The following UNC13C variants were observed in gnomAD, a reference collection of about 807,000 sequenced individuals.
UNC13C encodes unc-13 homolog C.
In UNC13C, 174 loss-of-function variants were observed where a neutral mutation model predicts 245.4. That is an observed-to-expected ratio of 0.71 (90% confidence interval 0.63 to 0.80). UNC13C has a LOEUF of 0.80. UNC13C is among the 30% of genes least tolerant of loss of function. The pLI is 0.00. For synonymous variants in UNC13C, 992 were observed against 895.1 expected (o/e 1.11, Z -1.93); for missense variants, 2,829 against 2,602.9 (o/e 1.09, Z -1.89).
At chr15:53,953,063 G>A in the UNC13C span, among the ~76,000 whole-genome samples, 1 of 152,166 alleles carries the variant, frequency 6.6e-6, no homozygotes, top group Non-Finnish European at 1.5e-5. Context: ...AATTGAATTA[G>A]CACCTCACAA....
intron 14 of UNC13C, among the ~76,000 whole-genome samples, chr15:54,329,608 A>C (rs993164892): frequency 6.6e-6 from 1 of 152,046 alleles, no homozygotes; most frequent in African/African-American, 2.4e-5. Context: ...TGCAAAGGGA[A>C]TCTCACTCTA....
intron 14 of UNC13C, among the ~76,000 whole-genome samples, chr15:54,324,868 A>T (rs759522657): frequency 4.6e-5 from 7 of 152,074 alleles, no homozygotes; most frequent in Non-Finnish European, 1.0e-4. Flanking sequence ...AAGCTTGTCC[A>T]ACCCACAGCC....
At chr15:54,051,028 T>G (rs1897248247) in intron 2 of UNC13C, among the ~76,000 whole-genome samples, 1 of 152,216 alleles carries the variant, frequency 6.6e-6, no homozygotes, top group Non-Finnish European at 1.5e-5. Flanking sequence ...TGACTATTAG[T>G]CTTTTAACTA....
chr15:54,142,090 C>A (rs2032049298), intron 2 of UNC13C, among the ~76,000 whole-genome samples: 1 of 152,094 alleles, frequency 6.6e-6, no homozygotes, highest in African/African-American at 2.4e-5. Context: ...TGCTAATAAG[C>A]AAAGATGAAT....
At chr15:54,556,348 G>T (rs1430607026) in intron 29 of UNC13C, among the ~76,000 whole-genome samples, 1 of 152,006 alleles carries the variant, frequency 6.6e-6, no homozygotes, top group East Asian at 1.9e-4. Context: ...AGAAACAATG[G>T]TATTCATTTC....
intron 30 of UNC13C, among the ~76,000 whole-genome samples, chr15:54,573,159 T>G (rs776377180): frequency 1.4e-4 from 22 of 152,260 alleles, no homozygotes; most frequent in Non-Finnish European, 2.5e-4. Flanking sequence ...AGTATGGAAA[T>G]GCCTCTTGTA....
intron 19 of UNC13C, among the ~76,000 whole-genome samples, chr15:54,471,213 T>C (rs1489909100): frequency 6.6e-6 from 1 of 151,482 alleles, no homozygotes; most frequent in Non-Finnish European, 1.5e-5. Context: ...ATATGTGTGT[T>C]ATGTCTGTTA....
intron 19 of UNC13C, among the ~76,000 whole-genome samples, chr15:54,444,472 A>C (rs766799958): frequency 2.6e-4 from 39 of 151,826 alleles, no homozygotes; most frequent in Middle Eastern, 3.2e-3. Context: ...ATGTACTTTT[A>C]TCCATTCATC....
At chr15:54,474,669 G>T (rs895497820) in intron 19 of UNC13C, among the ~76,000 whole-genome samples, 1 of 152,014 alleles carries the variant, frequency 6.6e-6, no homozygotes, top group Non-Finnish European at 1.5e-5. Flanking sequence ...TTCTTTTGCT[G>T]TGCAGTAGCT....
chr15:53,964,142 C>T, the UNC13C span, among the ~76,000 whole-genome samples: 1 of 152,066 alleles, frequency 6.6e-6, no homozygotes, highest in Non-Finnish European at 1.5e-5. Context: ...TCAGTAAGGA[C>T]CAACATCTTT....
At chr15:53,992,113 C>G (rs1894419192) in intron 1 of UNC13C, among the ~76,000 whole-genome samples, 1 of 152,058 alleles carries the variant, frequency 6.6e-6, no homozygotes, top group Non-Finnish European at 1.5e-5. Context: ...TTTGTGTTAA[C>G]ATGCCTCCTA....
chr15:54,187,049 T>C (rs988141093), intron 4 of UNC13C, among the ~76,000 whole-genome samples: 1 of 151,884 alleles, frequency 6.6e-6, no homozygotes, highest in African/African-American at 2.4e-5. Flanking sequence ...GGTTTCACCA[T>C]GTTGGCCAGG....
intron 2 of UNC13C, among the ~76,000 whole-genome samples, chr15:54,071,581 G>C (rs560627450): frequency 6.6e-6 from 1 of 152,072 alleles, no homozygotes; most frequent in African/African-American, 2.4e-5. Context: ...GGCAAACAAT[G>C]GTCTATGGGG....
chr15:54,361,678 C>T (rs1011748385), intron 17 of UNC13C, among the ~76,000 whole-genome samples: 2 of 152,114 alleles, frequency 1.3e-5, no homozygotes, highest in African/African-American at 4.8e-5. Context: ...CCTTTGCTTC[C>T]GATTCTGGGG....
At chr15:54,564,263 T>C (rs1318677359) in intron 29 of UNC13C, among the ~76,000 whole-genome samples, 1 of 152,052 alleles carries the variant, frequency 6.6e-6, no homozygotes, top group Admixed American at 6.6e-5. Context: ...AAAAAACTTC[T>C]GTTCAGTAAA....
intron 1 of UNC13C, among the ~76,000 whole-genome samples, chr15:53,995,629 C>G (rs563189882): frequency 6.6e-6 from 1 of 151,928 alleles, no homozygotes; most frequent in African/African-American, 2.4e-5. Flanking sequence ...ACTTTCTGGA[C>G]GAGTCTTAAT....
chr15:54,631,433 T>G (rs1227329879), downstream of UNC13C: 1 of 152,244 alleles, frequency 6.6e-6, no homozygotes, highest in South Asian at 2.1e-4. Flanking sequence ...CGTAGTCATG[T>G]ATTAATCACA....
chr15:54,032,159 C>T (rs1896384437), intron 2 of UNC13C, among the ~76,000 whole-genome samples: 1 of 152,180 alleles, frequency 6.6e-6, no homozygotes. Context: ...AGGTATTACT[C>T]AGTTGCAAAT....
chr15:53,902,070 G>T, the UNC13C span, among the ~76,000 whole-genome samples: 7 of 148,588 alleles, frequency 4.7e-5, no homozygotes, highest in East Asian at 2.4e-4. Context: ...TTAAGATCAT[G>T]TTCTCTCAGG....
Sources: allele counts gnomAD v4.1 joint callset (sites outside exome capture counted in the v4.1 genomes callset), GRCh38; gene constraint gnomAD v4.1.1; transcripts MANE v1.5; gene names NCBI Gene and HGNC (gene_info 2026-07-23, HGNC 2026-07-21).